The following UBR2 variants were observed in gnomAD, a reference collection of about 807,000 sequenced individuals.
The protein encoded by UBR2 is ubiquitin protein ligase E3 component n-recognin 2.
Under a neutral mutation model 247.9 loss-of-function variants are expected in UBR2, and 92 were observed. The ratio of observed to expected loss-of-function variants is 0.37; its 90% CI spans 0.31 to 0.44. The LOEUF (loss-of-function observed/expected upper bound fraction) is 0.44, where lower values mean the gene tolerates loss of function less well. UBR2 is among the 20% of genes least tolerant of loss of function. The probability of loss-of-function intolerance (pLI) is 1.00; values close to 1 mark genes in which losing one functional copy is unlikely to be tolerated. For missense variants in UBR2, 1,613 were observed against 2,112.6 expected (o/e 0.76, Z 4.64); for synonymous variants, 672 against 693.5 (o/e 0.97, Z 0.49).
intron 4 of UBR2, among the ~76,000 whole-genome samples, chr6:42,595,616 G>A (rs983321766): frequency 1.3e-5 from 2 of 151,764 alleles, no homozygotes. Flanking sequence ...GTTGTGGCAC[G>A]TGCCTGTGGT....
At chr6:42,619,077 C>T (rs1794734063) in intron 11 of UBR2, among the ~76,000 whole-genome samples, 2 of 152,030 alleles carry the variant, frequency 1.3e-5, no homozygotes, top group African/African-American at 4.8e-5. Context: ...CATGCCAGTA[C>T]CACAGTTGTA....
intron 34 of UBR2, among the ~76,000 whole-genome samples, chr6:42,667,583 T>C (rs2151980069): frequency 7.1e-6 from 1 of 140,540 alleles, no homozygotes; most frequent in African/African-American, 2.6e-5. Flanking sequence ...TTGTACAGTT[T>C]TGTCTTTTTT....
At chr6:42,580,304 A>C (rs1791797483) in intron 2 of UBR2, among the ~76,000 whole-genome samples, 1 of 152,178 alleles carries the variant, frequency 6.6e-6, no homozygotes, top group Non-Finnish European at 1.5e-5. Flanking sequence ...ATTTGTGATT[A>C]TTCAGTTTGG....
intron 16 of UBR2, among the ~76,000 whole-genome samples, 160 bp downstream of exon 16, chr6:42,640,430 G>T (rs1312211477): frequency 1.0e-5 from 1 of 99,010 alleles, no homozygotes; most frequent in African/African-American, 3.7e-5. Flanking sequence ...GTGTGTGTGT[G>T]TGTGTATAGA....
rs746977706 is a variant in UBR2 at position 42,652,591 on chromosome 6, G to A, written c.2715G>A (p.Leu905=). 42 of 1,613,676 alleles carry A rather than the reference G, an allele frequency of 2.6e-5. No homozygotes were observed. Among genetic ancestry groups the A allele is most frequent in the Non-Finnish European group, 3.6e-5 (42 of 1,179,976 alleles). The change falls in exon 25 of 47, where the codon CTG becomes CTA. Residue 905 remains leucine, a synonymous_variant. Coordinates refer to ENST00000372901, the MANE Select transcript of UBR2 (RefSeq NM_001363705.2). ...DVMLCIMGTI[L]QWAVEHNGYA... The stretch of plus-strand genomic sequence containing the variant: ...TGTTGTGCATCATGGGAACAATTCT[G>A]CAATGGGCTGTGGAACATAATGGAT...
In UBR2 at chr6:42,670,127, C is replaced by A. The variant is rs376138925; in HGVS notation, c.3917C>A (p.Thr1306Lys). 22 of 1,614,026 alleles carry A rather than the reference C, an allele frequency of 1.4e-5. No homozygotes were observed. In the African/African-American group the frequency reaches 2.3e-4, roughly 17 times the overall value. ...PYSESIKEMLTTFGTATYKVG... is the reference protein window; with the variant it reads ...PYSESIKEMLKTFGTATYKVG... ...TCTGAGAGCATAAAAGAAATGCTAA[C>A]GACATTTGGAACTGCTACCTACAAG... Residue 1306 changes from threonine to lysine, a missense_variant, in exon 35 of 47, where the codon ACG becomes AAG. By Grantham distance (78) the Thr-to-Lys change is moderately conservative. Coordinates refer to ENST00000372901, the MANE Select transcript of UBR2 (RefSeq NM_001363705.2).
chr6:42,669,570 T>C (rs1368023994), intron 34 of UBR2, among the ~76,000 whole-genome samples: 1 of 152,200 alleles, frequency 6.6e-6, no homozygotes. Context: ...GTTTATCTCT[T>C]TGATGCTTTC....
intron 16 of UBR2, among the ~76,000 whole-genome samples, chr6:42,640,750 G>T (rs1259477622): frequency 2.0e-5 from 3 of 151,542 alleles, no homozygotes; most frequent in African/African-American, 7.3e-5. Context: ...ATTTTTTTGA[G>T]ACAGAGTCTC....
chr6:42,679,622 A>G, intron 41 of UBR2, 102 bp from the exon 42 acceptor site: 2 of 833,332 alleles, frequency 2.4e-6, no homozygotes, highest in Non-Finnish European at 1.9e-6. Context: ...GGCAAATTGG[A>G]AGTCTTTCAT....
intron 11 of UBR2, chr6:42,620,024 A>G (rs960455789): frequency 2.1e-6 from 2 of 948,514 alleles, no homozygotes; most frequent in African/African-American, 1.8e-5. Context: ...TGATTTTTAT[A>G]TGTCCATCTT....
At chr6:42,623,770 C>T (rs1450336215) in intron 11 of UBR2, among the ~76,000 whole-genome samples, 8 of 152,088 alleles carry the variant, frequency 5.3e-5, no homozygotes, top group Non-Finnish European at 1.0e-4. Context: ...TATGTTAAAT[C>T]ATGAATATGT....
chr6:42,631,800 CACTT>C (rs911427213), intron 11 of UBR2, among the ~76,000 whole-genome samples: 2 of 146,756 alleles, frequency 1.4e-5, no homozygotes, highest in African/African-American at 5.0e-5. Flanking sequence ...ACTTAATACA[CACTT>C]TATGTATTTA....
In UBR2 at chr6:42,632,060, A is replaced by T. The variant is rs866447439; in HGVS notation, c.1282-492A>T. Among the ~76,000 whole-genome samples the T allele has an allele frequency of 7.0e-4, 22 of 31,444 alleles. No individual in the cohort carries two copies. In the East Asian group the frequency reaches 0.012, roughly 17 times the overall value. The allele number at this position is 31,444 out of a possible 152,430, so 20.6% of individuals were successfully genotyped here. A position where few individuals can be genotyped will look rare whatever the true frequency, so the allele number is the denominator to read the frequency against. ...ATTTACATGTATTTGCTTATTTAAA[A>T]AAAAAAAAAATATATATATATATAT... On this transcript the variant is annotated intron_variant, in intron 11 of 46. Coordinates refer to ENST00000372901, the MANE Select transcript of UBR2 (RefSeq NM_001363705.2).
At chr6:42,638,762 A>G (rs1045259336) in intron 15 of UBR2, among the ~76,000 whole-genome samples, 4 of 152,160 alleles carry the variant, frequency 2.6e-5, no homozygotes, top group African/African-American at 4.8e-5. Context: ...AAAAAAAAAA[A>G]AGGCAAGAAA....
At chr6:42,573,413 G>A (rs1791293791) in intron 1 of UBR2, among the ~76,000 whole-genome samples, 1 of 152,136 alleles carries the variant, frequency 6.6e-6, no homozygotes, top group African/African-American at 2.4e-5. Flanking sequence ...GACATTAGGT[G>A]AGCTCAATGG....
chr6:42,682,948 T>G, intron 42 of UBR2, 107 bp from the exon 43 acceptor site: 1 of 881,888 alleles, frequency 1.1e-6, no homozygotes, highest in Non-Finnish European at 1.8e-6. Flanking sequence ...AGTAAATATG[T>G]TAGGTCAAGA....
In UBR2 at chr6:42,689,738, A is replaced by C; in HGVS notation, c.5126+68A>C. ...CCCTTCCGTATGTGGTGACGTCCTG[A>C]GGGTGGAGGGCTGAGGTGGTTCTGG... On this transcript the variant is annotated intron_variant, in intron 46 of 46. Coordinates refer to ENST00000372901, the MANE Select transcript of UBR2 (RefSeq NM_001363705.2). The surrounding 1 kb of genome is among the most constrained non-coding windows in gnomAD (Gnocchi z 4.0). 7.2e-7 allele frequency: 1 copy of C among 1,389,310 alleles called. No homozygotes were observed. The highest frequency in any genetic ancestry group is 1.0e-6 in the Non-Finnish European group (1 of 977,204). 86.1% of individuals were successfully genotyped at this position (1,389,310 alleles called of 1,614,324 possible). A position where few individuals can be genotyped will look rare whatever the true frequency, so the allele number is the denominator to read the frequency against.
chr6:42,674,651 A>T (rs962819134), intron 38 of UBR2, among the ~76,000 whole-genome samples: 1 of 152,056 alleles, frequency 6.6e-6, no homozygotes, highest in Admixed American at 6.6e-5. Context: ...AATCTCAGCT[A>T]CTCAGGAAAG....
At chr6:42,627,013 A>G (rs1318340729) in intron 11 of UBR2, among the ~76,000 whole-genome samples, 1 of 152,134 alleles carries the variant, frequency 6.6e-6, no homozygotes, top group Non-Finnish European at 1.5e-5. Flanking sequence ...ATAGAGAAAG[A>G]GTTTAGTACA....
Sources: allele counts gnomAD v4.1 joint callset (sites outside exome capture counted in the v4.1 genomes callset), GRCh38; gene constraint gnomAD v4.1.1; non-coding constraint Gnocchi (gnomAD v3.1); transcripts MANE v1.5; gene names NCBI Gene and HGNC (gene_info 2026-07-23, HGNC 2026-07-21).